PTGR2: variants seen among roughly 807,000 people sequenced by gnomAD.
PTGR2 encodes prostaglandin reductase 2.
Under a neutral mutation model 43.4 loss-of-function variants are expected in PTGR2, and 32 were observed. The observed-to-expected ratio is 0.74, with a 90% confidence interval of 0.56 to 0.99. The LOEUF (loss-of-function observed/expected upper bound fraction) is 0.99. Ranked by LOEUF, PTGR2 falls within the 50% of genes least tolerant of loss-of-function variation. The pLI is 0.00. For synonymous variants in PTGR2, 106 were observed against 139.2 expected (o/e 0.76, Z 1.68); for missense variants, 373 against 420.0 (o/e 0.89, Z 0.98).
intron 4 of PTGR2, among the ~76,000 whole-genome samples, chr14:73,875,323 A>G (rs544122211): frequency 1.3e-5 from 2 of 151,420 alleles, no homozygotes; most frequent in African/African-American, 4.9e-5. Context: ...AAGCATTAGT[A>G]ATGAGAACTG....
chr14:73,861,113 G>A (rs1453870185), intron 3 of PTGR2: 1 of 152,328 alleles, frequency 6.6e-6, no homozygotes. Context: ...TGCCCAGGCT[G>A]GTCTCAATTT....
At chr14:73,868,728 A>C (rs1019444200) in intron 3 of PTGR2, among the ~76,000 whole-genome samples, 3 of 151,786 alleles carry the variant, frequency 2.0e-5, no homozygotes, top group Admixed American at 2.0e-4. Flanking sequence ...TAATATACTC[A>C]AGGTTACCTA....
intron 7 of PTGR2, among the ~76,000 whole-genome samples, chr14:73,880,725 G>A (rs1298197774): frequency 6.6e-6 from 1 of 152,114 alleles, no homozygotes; most frequent in East Asian, 1.9e-4. Context: ...CATGAGGGTC[G>A]AGAAAGGATG....
rs1397432504 is a variant in PTGR2, at chr14:73,880,036, A to C, written c.730-19A>C. 2 of 1,612,270 alleles carry C rather than the reference A, an allele frequency of 1.2e-6. No homozygotes were observed. The highest frequency in any genetic ancestry group is 1.7e-6 in the Non-Finnish European group (2 of 1,178,518). ...AAACATAGGAAAGGGATATTTTATCATTATTTTTCTCTGTGCAGATGAATG... is the reference window on the plus strand; with the variant it reads ...AAACATAGGAAAGGGATATTTTATCCTTATTTTTCTCTGTGCAGATGAATG... On this transcript the variant is annotated intron_variant, in intron 6 of 9. Coordinates refer to ENST00000555661, the MANE Select transcript of PTGR2 (RefSeq NM_001146154.2).
At chr14:73,875,407 G>A (rs1006162123) in intron 4 of PTGR2, among the ~76,000 whole-genome samples, 3 of 151,454 alleles carry the variant, frequency 2.0e-5, no homozygotes, top group Non-Finnish European at 2.9e-5. Context: ...GCGCAGTGGC[G>A]CGATCTCGGC....
At chr14:73,871,367 T>TA (rs2054728029) in intron 3 of PTGR2, among the ~76,000 whole-genome samples, 1 of 119,750 alleles carries the variant, frequency 8.4e-6, no homozygotes, top group Non-Finnish European at 1.8e-5. Context: ...TTTTTTTTTT[T>TA]AATTTTTGTT....
At chr14:73,877,983 C>CTCT (rs1369757771) in intron 5 of PTGR2, 1 of 152,156 alleles carries the variant, frequency 6.6e-6, no homozygotes, top group Non-Finnish European at 1.5e-5. Context: ...CATAGTAAGA[C>CTCT]TCTTCAGTAA....
chr14:73,862,864 C>T (rs112754986), intron 3 of PTGR2, among the ~76,000 whole-genome samples: 74,251 of 151,656 alleles, frequency 0.49, 18,390 homozygotes, highest in South Asian at 0.61. Flanking sequence ...TGCACCACCA[C>T]ACCCGGCTAA....
At chr14:73,872,748 C>T (rs1456932581) in intron 3 of PTGR2, among the ~76,000 whole-genome samples, 1 of 150,538 alleles carries the variant, frequency 6.6e-6, no homozygotes, top group East Asian at 2.0e-4. Flanking sequence ...GAGGCCAAGG[C>T]CAGCAGATCA....
intron 4 of PTGR2, among the ~76,000 whole-genome samples, chr14:73,876,110 C>T (rs906210988): frequency 5.3e-5 from 8 of 152,068 alleles, no homozygotes; most frequent in Admixed American, 6.5e-5. Flanking sequence ...TGAGCCACCG[C>T]ACCCGGCCTT....
intron 5 of PTGR2, 158 bp downstream of exon 5, chr14:73,877,326 G>A (rs180707017): frequency 3.2e-4 from 190 of 585,674 alleles, no homozygotes; most frequent in African/African-American, 3.1e-3. Flanking sequence ...GTGCAGTGGC[G>A]CAATCTTGGC....
intron 1 of PTGR2, among the ~76,000 whole-genome samples, chr14:73,857,158 T>C (rs1252401165): frequency 6.6e-6 from 1 of 151,702 alleles, no homozygotes; most frequent in African/African-American, 2.4e-5. Flanking sequence ...TATTGTGATA[T>C]GGAATTTCCT....
At chr14:73,854,419 A>T (rs1216466084) in intron 1 of PTGR2, among the ~76,000 whole-genome samples, 1 of 152,150 alleles carries the variant, frequency 6.6e-6, no homozygotes, top group Non-Finnish European at 1.5e-5. Context: ...CTATATTTGA[A>T]ATGTGTGTTT....
chr14:73,875,139 C>T (rs1474518716), intron 4 of PTGR2, among the ~76,000 whole-genome samples: 5 of 151,976 alleles, frequency 3.3e-5, no homozygotes, highest in African/African-American at 9.7e-5. Flanking sequence ...GGATTACAGG[C>T]GTGAGTCACT....
At chr14:73,880,942 G>A (rs975807497) in intron 7 of PTGR2, among the ~76,000 whole-genome samples, 7 of 152,198 alleles carry the variant, frequency 4.6e-5, no homozygotes, top group East Asian at 1.9e-4. Flanking sequence ...GACTACAGGC[G>A]CTCACTACCA....
At chr14:73,883,218 T>TTTTTTTTTTTTTTTTG (rs2055041657) in intron 9 of PTGR2, among the ~76,000 whole-genome samples, 1 of 129,248 alleles carries the variant, frequency 7.7e-6, no homozygotes, top group Non-Finnish European at 1.6e-5. Flanking sequence ...TTTTTTTTTT[T>TTTTTTTTTTTTTTTTG]TTAAAGAGAT....
chr14:73,854,077 G>A (rs567939296), intron 1 of PTGR2, among the ~76,000 whole-genome samples: 4 of 151,956 alleles, frequency 2.6e-5, no homozygotes, highest in African/African-American at 9.6e-5. Flanking sequence ...ACTAAATCTA[G>A]GTATCTATAT....
At chr14:73,869,522 T>C (rs1473283326) in intron 3 of PTGR2, among the ~76,000 whole-genome samples, 1 of 149,620 alleles carries the variant, frequency 6.7e-6, no homozygotes, top group East Asian at 2.0e-4. Context: ...TGTAGTGAGC[T>C]GTGATCATGC....
chr14:73,874,758 G>A, intron 4 of PTGR2: 1 of 354,252 alleles, frequency 2.8e-6, no homozygotes, highest in Non-Finnish European at 5.6e-6. Flanking sequence ...GAAAGGGGAG[G>A]AATTGCATGG....
Sources: allele counts gnomAD v4.1 joint callset (sites outside exome capture counted in the v4.1 genomes callset), GRCh38; gene constraint gnomAD v4.1.1; transcripts MANE v1.5; gene names NCBI Gene and HGNC (gene_info 2026-07-23, HGNC 2026-07-21).